MIER1: variants seen among roughly 807,000 people sequenced by gnomAD.
The protein encoded by MIER1 is MIER1 transcriptional regulator.
A neutral mutation model predicts 75.7 loss-of-function variants in MIER1; 40 were observed. That is an observed-to-expected ratio of 0.53 (90% CI 0.41 to 0.69). The LOEUF is 0.69. Ranked by LOEUF, MIER1 falls within the 30% of genes least tolerant of loss-of-function variation. The pLI, the probability that MIER1 is intolerant of heterozygous loss-of-function variation, is 0.00. For missense variants in MIER1, 574 were observed against 680.2 expected, an observed-to-expected ratio of 0.84 and a Z score of 1.74; for synonymous variants, 213 against 223.4, an observed-to-expected ratio of 0.95 and a Z score of 0.42.
chr1:66,949,060 T>A (rs986958504), intron 4 of MIER1, among the ~76,000 whole-genome samples: 1 of 152,150 alleles, frequency 6.6e-6, no homozygotes. Flanking sequence ...CTTCATGTAT[T>A]TGTGAAGTGA....
intron 8 of MIER1, among the ~76,000 whole-genome samples, chr1:66,967,182 G>T (rs1662598026): frequency 6.6e-6 from 1 of 152,024 alleles, no homozygotes; most frequent in Non-Finnish European, 1.5e-5. Flanking sequence ...TGGTTTTTGT[G>T]TGTGACAAGA....
In MIER1 at chr1:66,984,582, T is replaced by A; in HGVS notation, c.1380T>A (p.Ser460=). Residue 460 remains serine, a synonymous_variant, in exon 14 of 14, where the codon TCT becomes TCA. Transcript: ENST00000401041. The part of the protein sequence containing the change: ...VSTANQNGVS[S]NGPGEILNKE... ...TTTCTTTCAACTTAGGAGTGTCATC[T>A]AATGGACCAGGTGAAATATTAAACA... 6.3e-7 allele frequency: 1 copy of A among 1,593,026 alleles called. No homozygotes were observed. The highest frequency in any genetic ancestry group is 8.5e-7 in the Non-Finnish European group (1 of 1,172,618).
chr1:66,975,352 C>T (rs1017993989), intron 11 of MIER1, among the ~76,000 whole-genome samples: 1 of 152,004 alleles, frequency 6.6e-6, no homozygotes. Flanking sequence ...CATGGCAAAA[C>T]CCCATCTCTA....
chr1:66,931,113 A>G (rs954701755), intron 2 of MIER1, among the ~76,000 whole-genome samples: 6 of 137,364 alleles, frequency 4.4e-5, no homozygotes, highest in African/African-American at 1.4e-4. Flanking sequence ...TTTCTCTTCT[A>G]ATTTTTCTTT....
chr1:66,949,349 A>G (rs1262652854), intron 4 of MIER1, among the ~76,000 whole-genome samples: 3 of 152,162 alleles, frequency 2.0e-5, no homozygotes, highest in African/African-American at 7.2e-5. Flanking sequence ...AATTTTGGTT[A>G]TATCATTGCC....
At chr1:66,925,718 G>T (rs909187032) in intron 1 of MIER1, among the ~76,000 whole-genome samples, 1 of 152,198 alleles carries the variant, frequency 6.6e-6, no homozygotes, top group Admixed American at 6.5e-5. Context: ...CCCTGGCCTG[G>T]AGCCTATCTG....
At chr1:66,974,553 GCAA>G (rs370644419) in intron 11 of MIER1, among the ~76,000 whole-genome samples, 11 of 152,062 alleles carry the variant, frequency 7.2e-5, no homozygotes, top group African/African-American at 2.7e-4. Flanking sequence ...ACAAGCAGCA[GCAA>G]CAACCCTGAC....
chr1:66,949,570 A>G (rs1658444722), intron 4 of MIER1, among the ~76,000 whole-genome samples: 1 of 152,164 alleles, frequency 6.6e-6, no homozygotes, highest in African/African-American at 2.4e-5. Context: ...CCCAGAAACA[A>G]TTAAAGCTTT....
chr1:66,946,011 C>A, intron 3 of MIER1, 139 bp from the exon 4 acceptor site: 1 of 601,854 alleles, frequency 1.7e-6, no homozygotes, highest in Non-Finnish European at 2.7e-6. Context: ...TATTAAAAAG[C>A]AATACATAAT....
At chr1:66,959,787 T>G (rs755690935) in intron 7 of MIER1, 44 bp downstream of exon 7, 1 of 998,902 alleles carries the variant, frequency 1.0e-6, no homozygotes, top group South Asian at 2.0e-5. Flanking sequence ...AAATTAATAT[T>G]TTTTTAAAAA....
At chr1:66,976,231 T>C (rs1385936727) in intron 11 of MIER1, among the ~76,000 whole-genome samples, 2 of 151,052 alleles carry the variant, frequency 1.3e-5, no homozygotes, top group Non-Finnish European at 2.9e-5. Flanking sequence ...CTTGAACTCC[T>C]GACCTCGTGA....
At chr1:66,942,478 T>C (rs914675045) in intron 3 of MIER1, among the ~76,000 whole-genome samples, 3 of 152,208 alleles carry the variant, frequency 2.0e-5, no homozygotes, top group Admixed American at 2.0e-4. Context: ...TAAGGTACCT[T>C]TTCTGCAGTA....
At chr1:66,963,684 C>T (rs1002718993) in intron 8 of MIER1, among the ~76,000 whole-genome samples, 7 of 152,094 alleles carry the variant, frequency 4.6e-5, no homozygotes, top group African/African-American at 1.4e-4. Context: ...CTGAGGCAGG[C>T]GGATCATGAG....
chr1:66,947,900 A>T, intron 4 of MIER1: 1 of 984,564 alleles, frequency 1.0e-6, no homozygotes, highest in Non-Finnish European at 1.2e-6. Context: ...TCTCTGGTAT[A>T]TGCATCCCAA....
chr1:66,930,102 C>T, intron 2 of MIER1: 2 of 810,302 alleles, frequency 2.5e-6, no homozygotes, highest in Non-Finnish European at 3.2e-6. Context: ...ACTCCGCCCC[C>T]TCCGCTCTTC....
intron 1 of MIER1, 60 bp from the exon 2 acceptor site, chr1:66,926,082 G>A (rs1469247478): frequency 2.3e-6 from 3 of 1,323,958 alleles, no homozygotes; most frequent in East Asian, 2.3e-5. Context: ...AGGGTGGATG[G>A]TGAGCTTGTA....
At chr1:66,930,172 T>C (rs1029270789) in intron 2 of MIER1, 236 of 1,285,580 alleles carry the variant, frequency 1.8e-4, no homozygotes, top group Middle Eastern at 1.8e-3. Flanking sequence ...TGCTCGCTGG[T>C]CTTTTCCCTC....
At chr1:66,979,328 G>A (rs1025249410) in intron 12 of MIER1, among the ~76,000 whole-genome samples, 2 of 152,134 alleles carry the variant, frequency 1.3e-5, no homozygotes, top group Non-Finnish European at 2.9e-5. Context: ...AAATTTGAGT[G>A]AATTTTCTCA....
chr1:66,933,304 G>A (rs1167590070), intron 2 of MIER1, among the ~76,000 whole-genome samples: 1 of 152,080 alleles, frequency 6.6e-6, no homozygotes, highest in Non-Finnish European at 1.5e-5. Context: ...CGAACAATTT[G>A]TCTTGTATTT....
Sources: allele counts gnomAD v4.1 joint callset (sites outside exome capture counted in the v4.1 genomes callset), GRCh38; gene constraint gnomAD v4.1.1; transcripts MANE v1.5; gene names NCBI Gene and HGNC (gene_info 2026-07-23, HGNC 2026-07-21).